The following BTAF1 variants were observed in gnomAD, a reference collection of about 807,000 sequenced individuals.
The protein encoded by BTAF1 is B-TFIID TATA-box binding protein associated factor 1.
In BTAF1, 38 loss-of-function variants were observed where a neutral mutation model predicts 227.1. The ratio of observed to expected loss-of-function variants is 0.17; its 90% CI spans 0.13 to 0.22. BTAF1 has a LOEUF of 0.22. Among genes scored for constraint, BTAF1 ranks in the 10% least tolerant of loss-of-function variants. BTAF1 has a pLI of 1.00. For missense variants in BTAF1, 1,598 were observed against 2,204.0 expected, an observed-to-expected ratio of 0.73 and a Z score of 5.51; for synonymous variants, 742 against 751.9, an observed-to-expected ratio of 0.99 and a Z score of 0.21.
intron 25 of BTAF1, among the ~76,000 whole-genome samples, chr10:92,004,250 C>T (rs373203790): frequency 2.6e-5 from 4 of 152,182 alleles, no homozygotes; most frequent in African/African-American, 9.6e-5. Flanking sequence ...TCCTATTTGT[C>T]TATATATGTT....
chr10:92,027,327 T>C, intron 37 of BTAF1, 27 bp downstream of exon 37: 1 of 1,570,540 alleles, frequency 6.4e-7, no homozygotes, highest in East Asian at 2.2e-5. Context: ...ATTTGTTGTA[T>C]CTTTGAGTCA....
intron 34 of BTAF1, 24 bp from the exon 35 acceptor site, chr10:92,024,732 G>GTTTTTTTTTTTTTTTTT: frequency 8.7e-6 from 11 of 1,267,276 alleles, no homozygotes; most frequent in South Asian, 1.3e-5. Flanking sequence ...CGCTTATGTA[G>GTTTTTTTTTTTTTTTTT]TTTTTTTTTT....
At chr10:91,933,231 G>T (rs1186714947) in intron 1 of BTAF1, among the ~76,000 whole-genome samples, 2 of 152,172 alleles carry the variant, frequency 1.3e-5, no homozygotes, top group African/African-American at 4.8e-5. Context: ...ATTACTTTCT[G>T]GTAGGTAAGT....
chr10:91,993,381 T>TAG (rs2134034369), intron 21 of BTAF1, among the ~76,000 whole-genome samples: 1 of 152,152 alleles, frequency 6.6e-6, no homozygotes, highest in East Asian at 1.9e-4. Context: ...TTCTTTGAGG[T>TAG]AGAGAGAAGG....
At chr10:92,004,687 T>G (rs1406503978) in intron 25 of BTAF1, among the ~76,000 whole-genome samples, 1 of 152,026 alleles carries the variant, frequency 6.6e-6, no homozygotes, top group Non-Finnish European at 1.5e-5. Flanking sequence ...CCCGGGCTGG[T>G]CTTAAACTCC....
At chr10:91,989,104 A>C in intron 19 of BTAF1, 50 bp from the exon 20 acceptor site, 1 of 1,471,420 alleles carries the variant, frequency 6.8e-7, no homozygotes, top group Non-Finnish European at 9.1e-7. Flanking sequence ...CTTACAGTCT[A>C]TTTGGGGTTG....
chr10:92,024,277 T>C (rs1851335263), intron 34 of BTAF1, among the ~76,000 whole-genome samples: 2 of 152,242 alleles, frequency 1.3e-5, no homozygotes, highest in South Asian at 4.1e-4. Context: ...CATTATTGAA[T>C]AACCCTTTAG....
intron 20 of BTAF1, among the ~76,000 whole-genome samples, chr10:91,990,226 A>G (rs1348451420): frequency 6.6e-6 from 1 of 152,216 alleles, no homozygotes; most frequent in African/African-American, 2.4e-5. Flanking sequence ...TTTGAAATGT[A>G]GTAGACTTAC....
chr10:91,967,494 T>C (rs936916041), intron 14 of BTAF1, among the ~76,000 whole-genome samples: 1 of 152,234 alleles, frequency 6.6e-6, no homozygotes, highest in African/African-American at 2.4e-5. Flanking sequence ...AGTGACTAAG[T>C]AGTGAATAAG....
intron 13 of BTAF1, among the ~76,000 whole-genome samples, chr10:91,965,292 G>A (rs1429087261): frequency 6.6e-6 from 1 of 152,132 alleles, no homozygotes; most frequent in Non-Finnish European, 1.5e-5. Flanking sequence ...TTTCATTACT[G>A]TAAATCAAGG....
At chr10:91,963,046 CATT>C (rs962773254) in intron 12 of BTAF1, among the ~76,000 whole-genome samples, 8 of 151,824 alleles carry the variant, frequency 5.3e-5, no homozygotes, top group African/African-American at 1.9e-4. Context: ...CTCCTCCTCT[CATT>C]ATTAATTATT....
rs755416867 is a variant in BTAF1 at position 91,996,480 on chromosome 10, A to G, written c.3421A>G (p.Thr1141Ala). The part of the protein sequence containing the change: ...GVMSKIATME[T>A]MNIFLEKVLP... ...CATGAGCAAAATAGCTACCATGGAA[A>G]CAATGAATATTTTTTTGGAGAAGGT... Residue 1141 changes from threonine to alanine, a missense_variant, in exon 24 of 38, where the codon ACA becomes GCA. By Grantham distance (58) the Thr-to-Ala change is moderately conservative (BLOSUM62 0). Transcript: ENST00000265990. 2.5e-6 allele frequency: 4 copies of G among 1,614,162 alleles called. No individual in the cohort carries two copies. The East Asian group carries it at 8.9e-5, about 36-fold the overall frequency.
At chr10:91,926,819 A>G (rs1468178459) in intron 1 of BTAF1, among the ~76,000 whole-genome samples, 2 of 152,158 alleles carry the variant, frequency 1.3e-5, no homozygotes, top group African/African-American at 4.8e-5. Flanking sequence ...CTTCAGTCAT[A>G]TTATTTACTG....
At chr10:91,965,323 A>G (rs1420809618) in intron 13 of BTAF1, among the ~76,000 whole-genome samples, 2 of 152,196 alleles carry the variant, frequency 1.3e-5, no homozygotes, top group Admixed American at 1.3e-4. Context: ...TTTTTCTGCA[A>G]AGGCCCAAAT....
intron 34 of BTAF1, among the ~76,000 whole-genome samples, chr10:92,019,217 A>T (rs1237774764): frequency 6.6e-6 from 1 of 151,958 alleles, no homozygotes; most frequent in Non-Finnish European, 1.5e-5. Context: ...CCAAACAGAA[A>T]CTCTATATTC....
At chr10:91,965,082 T>A (rs930701383) in intron 13 of BTAF1, among the ~76,000 whole-genome samples, 2 of 152,154 alleles carry the variant, frequency 1.3e-5, no homozygotes, top group African/African-American at 4.8e-5. Flanking sequence ...ACTTTAATGC[T>A]AAGTTTAGAT....
At chr10:92,003,007 G>A (rs1306259852) in intron 25 of BTAF1, among the ~76,000 whole-genome samples, 2 of 151,950 alleles carry the variant, frequency 1.3e-5, no homozygotes, top group African/African-American at 4.8e-5. Flanking sequence ...AAATACAAAA[G>A]TTAGCTGGGC....
In BTAF1 at chr10:91,996,588, A is replaced by G; in HGVS notation, c.3511+18A>G. On this transcript the variant is annotated intron_variant, in intron 24 of 37. Coordinates refer to ENST00000265990, the MANE Select transcript of BTAF1 (RefSeq NM_003972.3). ...ACTTGCCTGTATCCTTTTTCATTTG[A>G]CAAACTGTTCAGGAATTATATTCAT... is the stretch of plus-strand genomic sequence containing the variant. 1.9e-6 allele frequency: 3 copies of G among 1,608,920 alleles called. No homozygotes were observed. The highest frequency in any genetic ancestry group is 2.6e-6 in the Non-Finnish European group (3 of 1,175,368).
At chr10:91,958,675 C>G (rs1818130425) in intron 8 of BTAF1, among the ~76,000 whole-genome samples, 1 of 152,102 alleles carries the variant, frequency 6.6e-6, no homozygotes, top group African/African-American at 2.4e-5. Flanking sequence ...TGCCCTCAAG[C>G]CTGGGCAACA....
Sources: gnomAD v4.1 joint callset for allele counts (sites outside exome capture counted in the v4.1 genomes callset) on GRCh38, gnomAD v4.1.1 for gene constraint, MANE v1.5 for transcripts, NCBI Gene and HGNC (gene_info 2026-07-23, HGNC 2026-07-21) for gene names.